The following MEIKIN variants were observed in gnomAD, a reference collection of about 807,000 sequenced individuals.
MEIKIN encodes the protein meiotic kinetochore factor, also known as meiosis-specific kinetochore protein.
At chr5:131,878,320 C>A (rs983432682) in intron 9 of MEIKIN, among the ~76,000 whole-genome samples, 3 of 152,152 alleles carry the variant, frequency 2.0e-5, no homozygotes, top group Admixed American at 1.3e-4. Context: ...GTAATCCCAG[C>A]ACTTTCGGAG....
intron 3 of MEIKIN, 127 bp from the exon 4 acceptor site, chr5:131,942,822 ACATT>A (rs1751896293): frequency 1.1e-5 from 4 of 375,156 alleles, no homozygotes; most frequent in Non-Finnish European, 1.9e-5. Context: ...TATATATAAT[ACATT>A]CATTCAGTTT....
intron 11 of MEIKIN, among the ~76,000 whole-genome samples, chr5:131,819,806 C>T (rs1480420362): frequency 8.7e-6 from 1 of 114,600 alleles, no homozygotes; most frequent in Non-Finnish European, 1.7e-5. Flanking sequence ...GACGGAGTCT[C>T]GCTCTGTCGC....
chr5:131,939,613 T>C (rs904093380), intron 4 of MEIKIN, among the ~76,000 whole-genome samples: 7 of 152,216 alleles, frequency 4.6e-5, no homozygotes, highest in African/African-American at 1.7e-4. Context: ...GTTATAAAGT[T>C]ACTAGATTCC....
At chr5:131,869,240 T>C (rs1469271516) in intron 9 of MEIKIN, among the ~76,000 whole-genome samples, 2 of 152,244 alleles carry the variant, frequency 1.3e-5, no homozygotes, top group African/African-American at 4.8e-5. Context: ...ATACCAACTT[T>C]TCTCCATTAT....
rs1194023774 is a variant in MEIKIN, at chr5:131,878,988, GT to G, written c.763del (p.Thr255GlnfsTer19). ...EKTCPSTPEK[T>X]KKKKTNSSTP... ...TGCTTCAATACTTGCTTTTTTCTTT[GT>G]TTTTTCAGGGGTTGAAGGGCAAGTT... On this transcript the variant is annotated frameshift_variant, in exon 9 of 13. Coordinates refer to ENST00000442687, the MANE Select transcript of MEIKIN (RefSeq NM_001303622.2). LOFTEE classifies it high-confidence loss of function. 7.6e-6 allele frequency: 3 copies of G among 396,870 alleles called. No individual in the cohort carries two copies. The highest frequency in any genetic ancestry group is 1.3e-5 in the Non-Finnish European group (3 of 225,350). The allele number at this position is 396,870 out of a possible 1,614,324, so 24.6% of individuals were successfully genotyped here.
chr5:131,890,339 T>C (rs1256224611), intron 8 of MEIKIN, among the ~76,000 whole-genome samples: 1 of 152,308 alleles, frequency 6.6e-6, no homozygotes, highest in East Asian at 1.9e-4. Flanking sequence ...CTGGACTTTT[T>C]TTGGTTGGTA....
At chr5:131,866,439 G>A (rs1750387019) in intron 9 of MEIKIN, among the ~76,000 whole-genome samples, 1 of 152,210 alleles carries the variant, frequency 6.6e-6, no homozygotes, top group East Asian at 1.9e-4. Flanking sequence ...GGGGCAGAAT[G>A]ACCCTGTGGC....
chr5:131,925,498 T>C (rs1464220501), intron 5 of MEIKIN, among the ~76,000 whole-genome samples: 1 of 152,200 alleles, frequency 6.6e-6, no homozygotes, highest in Non-Finnish European at 1.5e-5. Flanking sequence ...CTTAAGTTTA[T>C]TCCTAAATAT....
chr5:131,919,467 G>A (rs1193009361), intron 6 of MEIKIN, among the ~76,000 whole-genome samples: 1 of 152,020 alleles, frequency 6.6e-6, no homozygotes, highest in East Asian at 1.9e-4. Context: ...AAAATACTGG[G>A]GAAAAACCTA....
intron 8 of MEIKIN, among the ~76,000 whole-genome samples, chr5:131,910,872 AC>A (rs1751325421): frequency 6.6e-6 from 1 of 152,110 alleles, no homozygotes; most frequent in Non-Finnish European, 1.5e-5. Context: ...ATTCTGCCCT[AC>A]CACCAAGCTT....
chr5:131,831,592 A>C (rs1749715893), intron 11 of MEIKIN, among the ~76,000 whole-genome samples: 1 of 152,058 alleles, frequency 6.6e-6, no homozygotes, highest in Admixed American at 6.6e-5. Flanking sequence ...GAAGTCAATA[A>C]ATCCTCCTAC....
intron 9 of MEIKIN, among the ~76,000 whole-genome samples, chr5:131,878,280 T>C (rs1229548847): frequency 1.3e-5 from 2 of 152,122 alleles, no homozygotes; most frequent in African/African-American, 2.4e-5. Context: ...TATAAAAGTA[T>C]TGGTTGGCTG....
chr5:131,910,791 T>G (rs922889594), intron 8 of MEIKIN, among the ~76,000 whole-genome samples: 23 of 152,182 alleles, frequency 1.5e-4, no homozygotes, highest in Non-Finnish European at 2.6e-4. Flanking sequence ...GTAAGTGGCT[T>G]ATTTAATTTT....
At chr5:131,942,819 AAT>A (rs1751896167) in intron 3 of MEIKIN, 124 bp from the exon 4 acceptor site, 1 of 377,418 alleles carries the variant, frequency 2.6e-6, no homozygotes, top group Non-Finnish European at 4.7e-6. Flanking sequence ...TCATATATAT[AAT>A]ACATTCATTC....
intron 6 of MEIKIN, 66 bp from the exon 7 acceptor site, chr5:131,916,991 A>AAT (rs1291533175): frequency 5.1e-6 from 2 of 392,694 alleles, no homozygotes; most frequent in Admixed American, 8.9e-5. Context: ...GGTAAAAATG[A>AAT]ATATTTTCCC....
At position 131,945,616 on chromosome 5, in the gene MEIKIN, G is replaced by T; in HGVS notation, c.-111C>A. On this transcript the variant is annotated 5_prime_UTR_variant, in exon 1 of 13. Transcript: ENST00000442687. ...AGTCAGCGTCCAGGCGAGGCCCGCG[G>T]AGCAGCCTCACAGCAACTAATCGAG... 2.5e-6 allele frequency: 1 copy of T among 398,246 alleles called. No individual in the cohort carries two copies. Among genetic ancestry groups the T allele is most frequent in the South Asian group, 1.4e-4 (1 of 7,346 alleles). The allele number at this position is 398,246 out of a possible 1,614,324, so 24.7% of individuals were successfully genotyped here.
chr5:131,886,823 A>T (rs1750806124), intron 8 of MEIKIN, among the ~76,000 whole-genome samples: 1 of 151,992 alleles, frequency 6.6e-6, no homozygotes, highest in Admixed American at 6.6e-5. Context: ...TTTTTTTATT[A>T]TACTTTAAGT....
chr5:131,821,279 T>C (rs1366973596), intron 11 of MEIKIN, among the ~76,000 whole-genome samples: 2 of 152,182 alleles, frequency 1.3e-5, no homozygotes, highest in African/African-American at 2.4e-5. Context: ...GAGCACACTG[T>C]TTAAATTCCA....
At chr5:131,813,902 G>A (rs1321133749) in intron 12 of MEIKIN, among the ~76,000 whole-genome samples, 1 of 152,098 alleles carries the variant, frequency 6.6e-6, no homozygotes, top group African/African-American at 2.4e-5. Context: ...CCCACAATAG[G>A]CCATCTGCAA....
Sources: gnomAD v4.1 joint callset for allele counts (sites outside exome capture counted in the v4.1 genomes callset) on GRCh38, gnomAD v4.1.1 for gene constraint, MANE v1.5 for transcripts, NCBI Gene and HGNC (gene_info 2026-07-23, HGNC 2026-07-21) for gene names.